The following TECTB variants were observed in gnomAD, a reference collection of about 807,000 sequenced individuals.
The protein encoded by TECTB is tectorin beta.
TECTB carries 45 observed loss-of-function variants against 43.3 expected under a neutral mutation model. That is an observed-to-expected ratio of 1.04 (90% CI 0.82 to 1.33). TECTB has a LOEUF of 1.33. Ranked by LOEUF, TECTB falls within the 40% of genes most tolerant of loss-of-function variation. The pLI, the probability that TECTB is intolerant of heterozygous loss-of-function variation, is 0.00. For missense variants in TECTB, 399 were observed against 404.7 expected (o/e 0.99, Z 0.12); for synonymous variants, 169 against 156.7 (o/e 1.08, Z -0.59).
chr10:112,285,099 G>A (rs1848443219), intron 3 of TECTB, among the ~76,000 whole-genome samples: 1 of 152,238 alleles, frequency 6.6e-6, no homozygotes. Context: ...TGGTGACAAA[G>A]AGCATTTGGA....
At chr10:112,296,782 G>A (rs759602570) in intron 7 of TECTB, among the ~76,000 whole-genome samples, 1 of 152,082 alleles carries the variant, frequency 6.6e-6, no homozygotes, top group Non-Finnish European at 1.5e-5. Flanking sequence ...AAAGGGGTGG[G>A]GTAGAGAACA....
intron 5 of TECTB, among the ~76,000 whole-genome samples, chr10:112,293,418 C>A (rs1157006838): frequency 6.6e-6 from 1 of 152,210 alleles, no homozygotes; most frequent in Non-Finnish European, 1.5e-5. Flanking sequence ...TTCAGTATAA[C>A]ACAGTGCCTT....
At chr10:112,290,833 G>A (rs1564707857) in intron 5 of TECTB, among the ~76,000 whole-genome samples, 2 of 152,178 alleles carry the variant, frequency 1.3e-5, no homozygotes, top group Non-Finnish European at 2.9e-5. Flanking sequence ...ATGGGAGGAA[G>A]CAACTGACTT....
rs764736297 is a variant in TECTB at position 112,283,704 on chromosome 10, A to T, written c.-31A>T. The T allele has an allele frequency of 2.5e-6, 4 of 1,609,442 alleles. No homozygotes were observed. The South Asian group carries it at 4.4e-5, about 18-fold the overall frequency. On this transcript the variant is annotated 5_prime_UTR_variant, in exon 2 of 11. Transcript: ENST00000646139. ...TAAACATTTGGCCAGCTTGGTTTGG[A>T]TACCTGGCAGAGACCAGGTTCTGAG...
chr10:112,294,111 T>C (rs1848525142), intron 7 of TECTB, 50 bp downstream of exon 7: 1 of 1,558,734 alleles, frequency 6.4e-7, no homozygotes, highest in Non-Finnish European at 8.8e-7. Context: ...CAGGCATTTA[T>C]CGGGCTACTT....
intron 3 of TECTB, among the ~76,000 whole-genome samples, chr10:112,285,814 T>A (rs1225820255): frequency 6.6e-6 from 1 of 152,138 alleles, no homozygotes; most frequent in East Asian, 1.9e-4. Flanking sequence ...AGAAGCCCAA[T>A]GGGTACATGG....
chr10:112,284,677 C>A lies in TECTB; in HGVS notation c.219C>A (p.Ile73=). ...VHEGGYYQFV[I]PDLSPKNKSY... ...AAGGAGGTTACTACCAATTTGTGAT[C>A]CCAGATTTATCACCTAAAAACAAGT... Residue 73 remains isoleucine (I), a synonymous_variant, in exon 3 of 11, where the codon ATC becomes ATA. Transcript: ENST00000646139. The A allele has an allele frequency of 6.2e-7, 1 of 1,611,956 alleles. No homozygotes were observed. Among genetic ancestry groups the A allele is most frequent in the Non-Finnish European group, 8.5e-7 (1 of 1,179,010 alleles).
chr10:112,299,171 G>A (rs1848574341), intron 8 of TECTB, among the ~76,000 whole-genome samples: 1 of 152,232 alleles, frequency 6.6e-6, no homozygotes, highest in South Asian at 2.1e-4. Context: ...TTATTGTGGT[G>A]AGAGTGGTAA....
At chr10:112,295,419 G>C (rs1183748011) in intron 7 of TECTB, among the ~76,000 whole-genome samples, 2 of 152,198 alleles carry the variant, frequency 1.3e-5, no homozygotes, top group Non-Finnish European at 2.9e-5. Context: ...TTATAGAGGA[G>C]AAAACTGAGG....
At position 112,286,415 on chromosome 10, in the gene TECTB, T is replaced by C. The variant is rs759755080; in HGVS notation, c.483+24T>C. ...CTGTAAGTGGTCTCCAGGTTCCCATTACTTCCCTGTGGCCTTTCCTTTCTA... is the reference window on the plus strand; with the variant it reads ...CTGTAAGTGGTCTCCAGGTTCCCATCACTTCCCTGTGGCCTTTCCTTTCTA... On this transcript the variant is annotated intron_variant, in intron 5 of 10. Transcript: ENST00000646139. 4.4e-6 allele frequency: 7 copies of C among 1,594,088 alleles called. No individual in the cohort carries two copies. The Admixed American group carries it at 6.7e-5, about 15-fold the overall frequency.
At position 112,296,013 on chromosome 10, in the gene TECTB, A is replaced by G. The variant is rs1009303697; in HGVS notation, c.671+1952A>G. Reference sequence around the variant, plus strand: ...CTGCATTTCAACACAGCCAGATGTAAGACATCCCGACCCATTTCTACATTC... The same window carrying G: ...CTGCATTTCAACACAGCCAGATGTAGGACATCCCGACCCATTTCTACATTC... On this transcript the variant is annotated intron_variant, in intron 7 of 10. Transcript: ENST00000646139. Among the ~76,000 whole-genome samples, 17 of 152,200 alleles carry G rather than the reference A, an allele frequency of 1.1e-4. 1 individual carries two copies. The highest frequency in any genetic ancestry group is 1.1e-3 in the Admixed American group (17 of 15,278).
intron 7 of TECTB, 65 bp from the exon 8 acceptor site, chr10:112,298,004 G>T: frequency 6.2e-7 from 1 of 1,607,182 alleles, no homozygotes; most frequent in Non-Finnish European, 8.5e-7. Context: ...TGTGTAAATC[G>T]CTCAGCAGCT....
Position 112,299,346 on chromosome 10 carries a change from G to A in TECTB, c.835-146G>A, listed in dbSNP as rs1288215964. 22 of 672,668 alleles carry A rather than the reference G, an allele frequency of 3.3e-5. No individual in the cohort carries two copies. The South Asian group carries it at 4.2e-4, about 13-fold the overall frequency. The allele number at this position is 672,668 out of a possible 1,614,324, so 41.7% of individuals were successfully genotyped here. Reference sequence around the variant, plus strand: ...GTCTTCTGGGTTATTTTTTAAAAAGGTAACTCATCTCTGTTGACTGGGGAA... The same window carrying A: ...GTCTTCTGGGTTATTTTTTAAAAAGATAACTCATCTCTGTTGACTGGGGAA... On this transcript the variant is annotated intron_variant, in intron 8 of 10. Coordinates refer to ENST00000646139, the MANE Select transcript of TECTB (RefSeq NM_058222.3).
At position 112,286,133 on chromosome 10, in the gene TECTB, A is replaced by G; in HGVS notation, c.330A>G (p.Val110=). The G allele has an allele frequency of 6.2e-7, 1 of 1,614,116 alleles. No homozygotes were observed. Among genetic ancestry groups the G allele is most frequent in the Non-Finnish European group, 8.5e-7 (1 of 1,179,998 alleles). Residue 110 remains valine, a synonymous_variant, in exon 4 of 11, where the codon GTA becomes GTG. Transcript: ENST00000646139. ...TTTCCAATGACACCACAGTGATTGTAAAAAACCAGCCTGTCAACTACTCCT... is the reference window on the plus strand; with the variant it reads ...TTTCCAATGACACCACAGTGATTGTGAAAAACCAGCCTGTCAACTACTCCT... ...HIVSNDTTVI[V]KNQPVNYSFS...
At chr10:112,299,439 C>T (rs368359178) in intron 8 of TECTB, 53 bp from the exon 9 acceptor site, 36 of 1,558,920 alleles carry the variant, frequency 2.3e-5, no homozygotes, top group Admixed American at 6.7e-5. Flanking sequence ...CCTTTGCTCA[C>T]GCATCATCCC....
chr10:112,283,871 A>C, intron 2 of TECTB, 61 bp downstream of exon 2: 1 of 1,546,534 alleles, frequency 6.5e-7, no homozygotes, highest in Non-Finnish European at 8.9e-7. Flanking sequence ...TCCTTTTACA[A>C]TGCTCAGCAC....
chr10:112,292,391 C>A (rs551995634), intron 5 of TECTB, among the ~76,000 whole-genome samples: 1 of 152,078 alleles, frequency 6.6e-6, no homozygotes, highest in African/African-American at 2.4e-5. Flanking sequence ...CTCCTTGCTG[C>A]CCCACTGCAC....
At chr10:112,300,332 G>GAAAGAAAGAGAAAGAA (rs1564710688) in intron 9 of TECTB, among the ~76,000 whole-genome samples, 4 of 139,558 alleles carry the variant, frequency 2.9e-5, no homozygotes, top group East Asian at 2.2e-4. Flanking sequence ...AAAGAAAAAA[G>GAAAGAAAGAGAAAGAA]AAAAGAAAAG....
intron 9 of TECTB, among the ~76,000 whole-genome samples, chr10:112,300,951 T>G (rs1307398236): frequency 6.6e-6 from 1 of 152,152 alleles, no homozygotes; most frequent in Non-Finnish European, 1.5e-5. Flanking sequence ...GCAAAACCTG[T>G]GGGAAGGCGG....
Sources: allele counts gnomAD v4.1 joint callset (sites outside exome capture counted in the v4.1 genomes callset), GRCh38; gene constraint gnomAD v4.1.1; transcripts MANE v1.5; gene names NCBI Gene and HGNC (gene_info 2026-07-23, HGNC 2026-07-21).